The following IFT20 variants were observed in gnomAD, a reference collection of about 807,000 sequenced individuals.
IFT20 encodes intraflagellar transport protein 20 homolog.
Under a neutral mutation model 16.9 loss-of-function variants are expected in IFT20, and 4 were observed. That is an observed-to-expected ratio of 0.24 (90% CI 0.12 to 0.54). IFT20 has a LOEUF of 0.54. IFT20 is among the 20% of genes least tolerant of loss of function. The probability of loss-of-function intolerance (pLI) is 0.95; values close to 1 mark genes in which losing one functional copy is unlikely to be tolerated. For missense variants in IFT20, 154 were observed against 149.7 expected, an observed-to-expected ratio of 1.03 and a Z score of -0.15; for synonymous variants, 48 against 49.9, an observed-to-expected ratio of 0.96 and a Z score of 0.16.
chr17:28,331,556 C>A, intron 2 of IFT20: 1 of 336,076 alleles, frequency 3.0e-6, no homozygotes, highest in Non-Finnish European at 5.5e-6. Context: ...TTCTATTTCC[C>A]ACACCCAAGC....
At chr17:28,330,707 G>A (rs563983472) in intron 2 of IFT20, among the ~76,000 whole-genome samples, 179 bp from the exon 3 acceptor site, 1 of 152,322 alleles carries the variant, frequency 6.6e-6, no homozygotes, top group African/African-American at 2.4e-5. Context: ...GGGGGCTGAG[G>A]TGGGAGGATC....
intron 1 of IFT20, among the ~76,000 whole-genome samples, chr17:28,335,138 A>C (rs1414223207): frequency 6.6e-6 from 1 of 152,126 alleles, no homozygotes; most frequent in African/African-American, 2.4e-5. Context: ...AACTTATCCG[A>C]GCCGCAGTTT....
intron 2 of IFT20, 179 bp downstream of exon 2, chr17:28,331,680 T>G (rs1280193337): frequency 2.9e-6 from 2 of 680,920 alleles, no homozygotes; most frequent in African/African-American, 3.6e-5. Context: ...GGTGCCCTGT[T>G]GGGGACACAT....
chr17:28,331,664 TTGAC>T (rs1195769517), intron 2 of IFT20, 191 bp downstream of exon 2: 1 of 596,002 alleles, frequency 1.7e-6, no homozygotes, highest in Non-Finnish European at 2.9e-6. Flanking sequence ...GGTGTTTGGT[TTGAC>T]TGGTGCCCTG....
chr17:28,333,820 A>G (rs1256143370), intron 1 of IFT20, among the ~76,000 whole-genome samples: 1 of 152,064 alleles, frequency 6.6e-6, no homozygotes, highest in Non-Finnish European at 1.5e-5. Context: ...AGTCCCAGCT[A>G]CTTGGGAGGG....
Position 28,328,439 on chromosome 17 carries a change from G to C in IFT20, c.*213C>G. The C allele has an allele frequency of 1.9e-6, 1 of 528,152 alleles. No homozygotes were observed. The highest frequency in any genetic ancestry group is 3.3e-6 in the Non-Finnish European group (1 of 299,650). 32.7% of individuals were successfully genotyped at this position (528,152 alleles called of 1,614,324 possible). ...CCAACTAAGCATAAGAGGTGAGAAC[G>C]TACACTGCAGGGCCACCAGCAGCAG... On this transcript the variant is annotated 3_prime_UTR_variant, in exon 5 of 5. Transcript: ENST00000395418.
At chr17:28,335,223 G>A (rs1407183275) in intron 1 of IFT20, 117 bp downstream of exon 1, 2 of 152,342 alleles carry the variant, frequency 1.3e-5, no homozygotes, top group Admixed American at 1.3e-4. Context: ...CCCCCTGAGA[G>A]TGGGGCGGAA....
chr17:28,328,383 AAAAG>A lies in IFT20; in HGVS notation c.*265_*268del, dbSNP rs1906464465. 2.9e-6 allele frequency: 1 copy of A among 343,784 alleles called. No homozygotes were observed. 21.3% of individuals were successfully genotyped at this position (343,784 alleles called of 1,614,324 possible). On this transcript the variant is annotated 3_prime_UTR_variant, in exon 5 of 5. Coordinates refer to ENST00000395418, the MANE Select transcript of IFT20 (RefSeq NM_001267776.2). ...TCCAAAGCTTTGTGAATTTACAAAA[AAAAG>A]GATGAAAGTTTACAAACTGCTTAGT...
intron 3 of IFT20, chr17:28,329,584 C>A: frequency 7.5e-6 from 2 of 267,972 alleles, no homozygotes; most frequent in Non-Finnish European, 7.0e-6. Context: ...GCCTTCATTT[C>A]TTCATTTATA....
chr17:28,330,059 C>CAAAAAA, intron 3 of IFT20: 1 of 402,898 alleles, frequency 2.5e-6, no homozygotes, highest in Non-Finnish European at 4.2e-6. Context: ...AACTCCGTCT[C>CAAAAAA]AAAAAAAAAA....
intron 1 of IFT20, 145 bp from the exon 2 acceptor site, chr17:28,332,132 T>C (rs1906828724): frequency 6.4e-7 from 1 of 1,550,682 alleles, no homozygotes; most frequent in Non-Finnish European, 8.7e-7. Flanking sequence ...TGCCACCACC[T>C]CTCTGAGCCT....
intron 2 of IFT20, 77 bp downstream of exon 2, chr17:28,331,782 C>A: frequency 1.3e-6 from 2 of 1,585,170 alleles, no homozygotes; most frequent in South Asian, 1.1e-5. Flanking sequence ...TCCACTGTGG[C>A]AGGGCCAAGA....
chr17:28,328,700 T>C lies in IFT20; in HGVS notation c.351A>G (p.Val117=), dbSNP rs782096680. Residue 117 remains valine (V), a synonymous_variant, in exon 5 of 5, where the codon GTA becomes GTG. Coordinates refer to ENST00000395418, the MANE Select transcript of IFT20 (RefSeq NM_001267776.2). ...YRVEYEALCK[V]EAEQNEFIDQ... ...CAATAAATTCATTTTGTTCTGCTTC[T>C]ACTTTACACAAAGCTTCATATTCAA... 1 of 1,604,174 alleles carries C rather than the reference T, an allele frequency of 6.2e-7. No individual in the cohort carries two copies. The highest frequency in any genetic ancestry group is 8.5e-7 in the Non-Finnish European group (1 of 1,176,264).
chr17:28,328,695 G>A lies in IFT20; in HGVS notation c.356C>T (p.Ala119Val). ...VEYEALCKVE[A>V]EQNEFIDQFI... ...TTGGTCAATAAATTCATTTTGTTCT[G>A]CTTCTACTTTACACAAAGCTTCATA... Residue 119 changes from alanine (A) to valine (V), a missense_variant, in exon 5 of 5, where the codon GCA (alanine) becomes GTA (valine). Physicochemically the swap from Ala to Val is moderately conservative, Grantham distance 64. Transcript: ENST00000395418. The A allele has an allele frequency of 3.7e-6, 6 of 1,604,970 alleles. No homozygotes were observed. Among genetic ancestry groups the A allele is most frequent in the Non-Finnish European group, 5.1e-6 (6 of 1,176,504 alleles).
At position 28,330,461 on chromosome 17, in the gene IFT20, T is replaced by C. The variant is rs144175114; in HGVS notation, c.195A>G (p.Ala65=). ...IELVDQLAKE[A]ENEKMKAIGA... Reference sequence around the variant, plus strand: ...ATCTTACCTTCATCTTTTCATTTTCTGCTTCTTTTGCAAGTTGATCAACAA... The same window carrying C: ...ATCTTACCTTCATCTTTTCATTTTCCGCTTCTTTTGCAAGTTGATCAACAA... Residue 65 remains alanine (A), a synonymous_variant, in exon 3 of 5, where the codon GCA becomes GCG. Coordinates refer to ENST00000395418, the MANE Select transcript of IFT20 (RefSeq NM_001267776.2). 112 of 1,613,648 alleles carry C rather than the reference T, an allele frequency of 6.9e-5. 1 individual carries two copies. In the African/African-American group the frequency reaches 1.3e-3, roughly 19 times the overall value.
In IFT20 at chr17:28,330,426, A is replaced by AG. The variant is rs1555576357; in HGVS notation, c.213+16dup. 6.3e-7 allele frequency: 1 copy of AG among 1,587,580 alleles called. No individual in the cohort carries two copies. Among genetic ancestry groups the AG allele is most frequent in the South Asian group, 1.1e-5 (1 of 90,468 alleles). Reference sequence around the variant, plus strand: ...GGTCCCAGGCCAAGATGTAGGCGGAAGACATGCTGATCTTACCTTCATCTT... The same window carrying AG: ...GGTCCCAGGCCAAGATGTAGGCGGAAGGACATGCTGATCTTACCTTCATCTT... On this transcript the variant is annotated intron_variant, in intron 3 of 4. Transcript: ENST00000395418.
rs1555575898 is a variant in IFT20 at position 28,328,586 on chromosome 17, G to A, written c.*66C>T. ...GGTCAAGCCGCTGGAATGCTACAGAGGTTTTTTTGGTTTTGAGAGGCTTTT... is the reference window on the plus strand; with the variant it reads ...GGTCAAGCCGCTGGAATGCTACAGAAGTTTTTTTGGTTTTGAGAGGCTTTT... On this transcript the variant is annotated 3_prime_UTR_variant, in exon 5 of 5. Transcript: ENST00000395418. 1.0e-6 allele frequency: 1 copy of A among 976,768 alleles called. No homozygotes were observed. 60.5% of individuals were successfully genotyped at this position (976,768 alleles called of 1,614,324 possible).
At chr17:28,328,861 AAG>A (rs1392304464) in intron 4 of IFT20, 128 bp from the exon 5 acceptor site, 3 of 710,754 alleles carry the variant, frequency 4.2e-6, no homozygotes, top group South Asian at 3.7e-5. Context: ...TGAAGAAAGA[AAG>A]AGGCAAAGCC....
At chr17:28,332,880 G>A (rs2142372989) in intron 1 of IFT20, among the ~76,000 whole-genome samples, 1 of 152,246 alleles carries the variant, frequency 6.6e-6, no homozygotes, top group East Asian at 1.9e-4. Flanking sequence ...AAAGAATGGA[G>A]CTGGAAAGGT....
Sources: gnomAD v4.1 joint callset for allele counts (sites outside exome capture counted in the v4.1 genomes callset) on GRCh38, gnomAD v4.1.1 for gene constraint, MANE v1.5 for transcripts, NCBI Gene and HGNC (gene_info 2026-07-23, HGNC 2026-07-21) for gene names.